Variants in IQCH observed in about 807,000 individuals in gnomAD.
IQCH encodes the protein IQ motif containing H.
A neutral mutation model predicts 117.0 loss-of-function variants in IQCH; 98 were observed. That is an observed-to-expected ratio of 0.84 (90% confidence interval 0.71 to 0.99). The LOEUF is 0.99. Among genes scored for constraint, IQCH ranks in the 50% least tolerant of loss-of-function variants. The pLI is 0.00. For missense variants in IQCH, 1,102 were observed against 1,243.8 expected (o/e 0.89, Z 1.72); for synonymous variants, 412 against 448.2 (o/e 0.92, Z 1.02).
chr15:67,337,310 A>G (rs1264069669), intron 5 of IQCH, among the ~76,000 whole-genome samples: 1 of 152,162 alleles, frequency 6.6e-6, no homozygotes, highest in Non-Finnish European at 1.5e-5. Flanking sequence ...TGTAAAATTC[A>G]TCATTCTATG....
rs549646491 is a variant in IQCH, at chr15:67,373,388, C to G, written c.1327C>G (p.Arg443Gly). Residue 443 changes from arginine (R) to glycine (G), a missense_variant, in exon 10 of 21, where the codon CGC becomes GGC. Coordinates refer to ENST00000335894, the MANE Select transcript of IQCH (RefSeq NM_001031715.3). ...TTAGCATCTGGCAGCCAACTGGAAT[C>G]GCATCAGGACCTCCAGGAGGACTAT... ...RAKHLAANWN[R>G]IRTSRRTIIH... The G allele has an allele frequency of 3.1e-6, 5 of 1,612,510 alleles. No individual in the cohort carries two copies. In the South Asian group the frequency reaches 4.4e-5, roughly 14 times the overall value.
intron 15 of IQCH, among the ~76,000 whole-genome samples, chr15:67,418,981 CA>C (rs1281242873): frequency 6.6e-6 from 1 of 152,032 alleles, no homozygotes; most frequent in African/African-American, 2.4e-5. Context: ...CATCTGCCTG[CA>C]AAAGCCTCCC....
At chr15:67,307,014 T>C in intron 4 of IQCH, 1 of 1,340,050 alleles carries the variant, frequency 7.5e-7, no homozygotes, top group Non-Finnish European at 9.5e-7. Flanking sequence ...TCTGTTAACA[T>C]GAATTTTAAA....
chr15:67,297,487 C>A (rs1406914130), intron 4 of IQCH, among the ~76,000 whole-genome samples: 2 of 152,052 alleles, frequency 1.3e-5, no homozygotes, highest in Non-Finnish European at 2.9e-5. Flanking sequence ...TGAGAATAGA[C>A]CCCAGTAGCA....
At position 67,400,491 on chromosome 15, in the gene IQCH, C is replaced by CTTTTCTTTTTTTTTTTTTT. The variant is rs776111763; in HGVS notation, c.2097+190_2097+191insCTTTTTTTTTTTTTTTTTT. 8.3e-3 allele frequency among the ~76,000 whole-genome samples: 952 copies of CTTTTCTTTTTTTTTTTTTT among 115,368 alleles called. 51 individuals are homozygous for CTTTTCTTTTTTTTTTTTTT. Among genetic ancestry groups the CTTTTCTTTTTTTTTTTTTT allele is most frequent in the Non-Finnish European group, 0.01 (585 of 57,840 alleles). 75.7% of individuals were successfully genotyped at this position (115,368 alleles called of 152,430 possible). A position where few individuals can be genotyped will look rare whatever the true frequency, so the allele number is the denominator to read the frequency against. ...TGGGATTGACTGAGTTCTTTTTTTTCTTTTTTTTTTTGAGATGGGGCCTCA... is the reference window on the plus strand; with the variant it reads ...TGGGATTGACTGAGTTCTTTTTTTTCTTTTCTTTTTTTTTTTTTTTTTTTTTTTTTGAGATGGGGCCTCA... On this transcript the variant is annotated intron_variant, in intron 14 of 20. Transcript: ENST00000335894.
At chr15:67,371,659 G>A (rs2140787074) in intron 8 of IQCH, 4 of 601,686 alleles carry the variant, frequency 6.6e-6, no homozygotes, top group South Asian at 5.1e-5. Flanking sequence ...TTTTTAACGG[G>A]CACATTTGAA....
intron 5 of IQCH, among the ~76,000 whole-genome samples, chr15:67,340,426 CAAAAAAAAAAAAAAAAAAAA>C (rs57244130): frequency 8.0e-4 from 50 of 62,656 alleles, no homozygotes; most frequent in Admixed American, 2.9e-3. Context: ...TACTCCATCT[CAAAAAAAAAAAAAAAAAAAA>C]AAAAAAAAAA....
chr15:67,418,300 C>T (rs1278632068), intron 15 of IQCH, among the ~76,000 whole-genome samples: 1 of 152,068 alleles, frequency 6.6e-6, no homozygotes, highest in Non-Finnish European at 1.5e-5. Flanking sequence ...ATTGGATACC[C>T]TGATAATGAA....
At chr15:67,291,473 C>T (rs1966749229) in intron 4 of IQCH, among the ~76,000 whole-genome samples, 1 of 151,926 alleles carries the variant, frequency 6.6e-6, no homozygotes, top group Non-Finnish European at 1.5e-5. Flanking sequence ...CCTTAACAAT[C>T]AAACATAAAA....
chr15:67,382,179 G>T (rs1970955489), intron 10 of IQCH, among the ~76,000 whole-genome samples: 1 of 152,122 alleles, frequency 6.6e-6, no homozygotes, highest in African/African-American at 2.4e-5. Flanking sequence ...GACAAAATGA[G>T]AAAAGGGTGG....
intron 3 of IQCH, among the ~76,000 whole-genome samples, chr15:67,269,730 C>T (rs892024251): frequency 1.7e-5 from 2 of 119,380 alleles, no homozygotes; most frequent in Non-Finnish European, 3.5e-5. Flanking sequence ...CATGTGAGAA[C>T]GTGAGATATA....
rs1555462707 is a variant in IQCH, at chr15:67,358,207, C to CTTTTCTTTTTTTT, written c.714+790_714+791insCTTTTTTTTTTTT. Among the ~76,000 whole-genome samples the CTTTTCTTTTTTTT allele has an allele frequency of 2.9e-4, 3 of 10,454 alleles. 1 individual carries two copies. The highest frequency in any genetic ancestry group is 3.4e-4 in the African/African-American group (1 of 2,910). The allele number at this position is 10,454 out of a possible 152,430, so 6.9% of individuals were successfully genotyped here. A position where few individuals can be genotyped will look rare whatever the true frequency, so the allele number is the denominator to read the frequency against. ...TAACCATCATGAGGCACTTTCTTTT[C>CTTTTCTTTTTTTT]TTTTTTTTTTTTTTTGAGATGGAGT... is the stretch of plus-strand genomic sequence containing the variant. On this transcript the variant is annotated intron_variant, in intron 7 of 20. Transcript: ENST00000335894.
In IQCH at chr15:67,472,805, GA is replaced by G. The variant is rs1224783213; in HGVS notation, c.2677-2889del. Among the ~76,000 whole-genome samples the G allele has an allele frequency of 6.6e-6, 1 of 152,174 alleles. No homozygotes were observed. Among genetic ancestry groups the G allele is most frequent in the Non-Finnish European group, 1.5e-5 (1 of 68,030 alleles). On this transcript the variant is annotated intron_variant, in intron 17 of 20. Transcript: ENST00000335894. The surrounding 1 kb of genome is among the most constrained non-coding windows in gnomAD (Gnocchi z 4.3). ...CTAGGATGGTGATGGTTATGGAAAA[GA>G]AGGTTGGGAGACATGTACCAAATAT...
At chr15:67,400,603 G>C (rs1235987625) in intron 14 of IQCH, among the ~76,000 whole-genome samples, 1 of 150,490 alleles carries the variant, frequency 6.6e-6, no homozygotes, top group Non-Finnish European at 1.5e-5. Context: ...TTCCACCTCA[G>C]CCTTCTGAGT....
At chr15:67,485,485 G>C (rs1473939252) in intron 18 of IQCH, among the ~76,000 whole-genome samples, 1 of 152,062 alleles carries the variant, frequency 6.6e-6, no homozygotes, top group Non-Finnish European at 1.5e-5. Flanking sequence ...AAGAGGGAGT[G>C]ATTTTAAATA....
At chr15:67,378,606 A>G (rs970541509) in intron 10 of IQCH, among the ~76,000 whole-genome samples, 4 of 151,880 alleles carry the variant, frequency 2.6e-5, no homozygotes, top group African/African-American at 9.7e-5. Flanking sequence ...CACCCATGTA[A>G]TCGAAATCAA....
At position 67,386,489 on chromosome 15, in the gene IQCH, G is replaced by A. The variant is rs541687581; in HGVS notation, c.1456+1470G>A. ...CTTCAAGAGGAGTAATGAAAGTTTA[G>A]AAATAGTAGTTAGATGAAGAAAAAG... On this transcript the variant is annotated intron_variant, in intron 11 of 20. Transcript: ENST00000335894. This position sits in a 1 kb window ranked among gnomAD's most constrained non-coding sequence, Gnocchi z 5.0. 1.1e-4 allele frequency among the ~76,000 whole-genome samples: 16 copies of A among 152,228 alleles called. No homozygotes were observed. The highest frequency in any genetic ancestry group is 3.4e-3 in the Middle Eastern group (1 of 294).
At chr15:67,363,180 A>T (rs1000638994) in intron 8 of IQCH, among the ~76,000 whole-genome samples, 1 of 151,692 alleles carries the variant, frequency 6.6e-6, no homozygotes, top group African/African-American at 2.4e-5. Flanking sequence ...CAGACACGGA[A>T]AAAAAAACAA....
chr15:67,263,692 A>C (rs1181881621), intron 3 of IQCH, among the ~76,000 whole-genome samples: 1 of 1,802 alleles, frequency 5.5e-4, no homozygotes, highest in Non-Finnish European at 0.013. Flanking sequence ...ATCAGTTTTC[A>C]CACTTTTAGA....
Sources: allele counts gnomAD v4.1 joint callset (sites outside exome capture counted in the v4.1 genomes callset), GRCh38; gene constraint gnomAD v4.1.1; non-coding constraint Gnocchi (gnomAD v3.1); transcripts MANE v1.5; gene names NCBI Gene and HGNC (gene_info 2026-07-23, HGNC 2026-07-21).